RPH3AL: variants seen among roughly 807,000 people sequenced by gnomAD.
RPH3AL encodes rab effector Noc2.
A neutral mutation model predicts 43.1 loss-of-function variants in RPH3AL; 38 were observed. The ratio of observed to expected loss-of-function variants is 0.88; its 90% CI spans 0.68 to 1.15. The LOEUF is 1.15. Among genes scored for constraint, RPH3AL ranks in the 50% most tolerant of loss-of-function variants. The pLI is 0.00. For missense variants in RPH3AL, 462 were observed against 423.2 expected (o/e 1.09, Z -0.81); for synonymous variants, 189 against 176.3 (o/e 1.07, Z -0.57).
At chr17:310,943 G>A (rs772200773) in intron 5 of RPH3AL, among the ~76,000 whole-genome samples, 2 of 152,188 alleles carry the variant, frequency 1.3e-5, no homozygotes, top group South Asian at 2.1e-4. Context: ...GTGCCTCTGC[G>A]ATCATCTCCC....
intron 6 of RPH3AL, among the ~76,000 whole-genome samples, chr17:260,409 T>G (rs548608637): frequency 3.9e-5 from 6 of 152,310 alleles, no homozygotes; most frequent in Non-Finnish European, 8.8e-5. Context: ...CTGAGCCATC[T>G]CTGGATTCCC....
At chr17:338,268 C>G (rs995279102) in intron 1 of RPH3AL, among the ~76,000 whole-genome samples, 1 of 152,048 alleles carries the variant, frequency 6.6e-6, no homozygotes, top group Non-Finnish European at 1.5e-5. Flanking sequence ...TCGAGACCAG[C>G]CTGGGCAACA....
At position 257,829 on chromosome 17, in the gene RPH3AL, T is replaced by C. The variant is rs12937866; in HGVS notation, c.439-10544A>G. Among the ~76,000 whole-genome samples the C allele has an allele frequency of 6.2e-4, 11 of 17,636 alleles. 1 individual carries two copies. Among genetic ancestry groups the C allele is most frequent in the African/African-American group, 2.0e-3 (6 of 3,008 alleles). 11.6% of individuals were successfully genotyped at this position (17,636 alleles called of 152,430 possible). A position where few individuals can be genotyped will look rare whatever the true frequency, so the allele number is the denominator to read the frequency against. On this transcript the variant is annotated intron_variant, in intron 6 of 9. Transcript: ENST00000331302. ...GTCTGTCCTGTTCTGTCCCTAGGAA[T>C]GTGACTACCCTACGTACTTCCTATG...
At chr17:214,769 CA>C (rs112783318) in intron 9 of RPH3AL, 9,007 of 129,268 alleles carry the variant, frequency 0.07, 466 homozygotes, top group African/African-American at 0.17. Context: ...GATCCTGTCT[CA>C]AAAAAAAAAA....
chr17:352,174 G>A (rs944224003), intron 1 of RPH3AL, among the ~76,000 whole-genome samples: 2 of 152,188 alleles, frequency 1.3e-5, no homozygotes, highest in African/African-American at 4.8e-5. Context: ...TCCCAGGGTA[G>A]GGAGCACAGA....
In RPH3AL at chr17:283,342, T is replaced by G. The variant is rs12949092; in HGVS notation, c.352-1488A>C. 6.6e-6 allele frequency among the ~76,000 whole-genome samples: 1 copy of G among 151,958 alleles called. No individual in the cohort carries two copies. The highest frequency in any genetic ancestry group is 1.5e-5 in the Non-Finnish European group (1 of 67,980). Reference sequence around the variant, plus strand: ...ATCGGGTGGCCGAGCTCAGTGCCCCTGGGGTGGGGGAGCAAACTCACGGGG... The same window carrying G: ...ATCGGGTGGCCGAGCTCAGTGCCCCGGGGGTGGGGGAGCAAACTCACGGGG... On this transcript the variant is annotated intron_variant, in intron 5 of 9. Transcript: ENST00000331302. This position sits in a 1 kb window ranked among gnomAD's most constrained non-coding sequence, Gnocchi z 4.2.
rs79875387 is a variant in RPH3AL, at chr17:280,983, C to T, written c.438+785G>A. On this transcript the variant is annotated intron_variant, in intron 6 of 9. Coordinates refer to ENST00000331302, the MANE Select transcript of RPH3AL (RefSeq NM_006987.4). ...CTGGAAGACCAGCTGCACGCCTCCT[C>T]GCCCCTCACATTCTGTCCCAGCCCT... Among the ~76,000 whole-genome samples the T allele has an allele frequency of 1.7e-3, 266 of 152,286 alleles. 1 individual carries two copies. The highest frequency in any genetic ancestry group is 5.9e-3 in the African/African-American group (246 of 41,564).
intron 6 of RPH3AL, among the ~76,000 whole-genome samples, chr17:268,214 TTCC>T (rs980001072): frequency 3.3e-5 from 5 of 152,070 alleles, no homozygotes; most frequent in African/African-American, 9.7e-5. Context: ...ACCCCTCCTC[TTCC>T]TCCTCCTCAT....
At chr17:241,897 T>C (rs1208208129) in intron 7 of RPH3AL, among the ~76,000 whole-genome samples, 1 of 152,054 alleles carries the variant, frequency 6.6e-6, no homozygotes, top group Non-Finnish European at 1.5e-5. Flanking sequence ...AGGTGAATTG[T>C]TTGAGGCCAA....
chr17:246,977 G>C lies in RPH3AL; in HGVS notation c.613+134C>G. The C allele has an allele frequency of 1.1e-6, 1 of 930,128 alleles. No individual in the cohort carries two copies. The highest frequency in any genetic ancestry group is 1.7e-6 in the Non-Finnish European group (1 of 586,430). 57.6% of individuals were successfully genotyped at this position (930,128 alleles called of 1,614,324 possible). A position where few individuals can be genotyped will look rare whatever the true frequency, so the allele number is the denominator to read the frequency against. On this transcript the variant is annotated intron_variant, in intron 7 of 9. Coordinates refer to ENST00000331302, the MANE Select transcript of RPH3AL (RefSeq NM_006987.4). The surrounding 1 kb of genome is among the most constrained non-coding windows in gnomAD (Gnocchi z 4.8). Reference sequence around the variant, plus strand: ...GAGAAGGTGTGGAGCTGAGGGCACAGGGAGGGACGCATCACCAGAATGAGC... The same window carrying C: ...GAGAAGGTGTGGAGCTGAGGGCACACGGAGGGACGCATCACCAGAATGAGC...
chr17:269,547 G>A (rs933251738), intron 6 of RPH3AL, among the ~76,000 whole-genome samples: 6 of 152,182 alleles, frequency 3.9e-5, no homozygotes, highest in Non-Finnish European at 8.8e-5. Flanking sequence ...TGTTCTGGAG[G>A]AAGACGCATC....
intron 6 of RPH3AL, among the ~76,000 whole-genome samples, chr17:268,934 A>T (rs1311803157): frequency 6.6e-6 from 1 of 151,564 alleles, no homozygotes; most frequent in Non-Finnish European, 1.5e-5. Flanking sequence ...GCTGGAGTGC[A>T]GTGCCGCGAT....
chr17:317,096 T>C (rs539829789), intron 5 of RPH3AL, among the ~76,000 whole-genome samples: 2 of 149,772 alleles, frequency 1.3e-5, no homozygotes, highest in Admixed American at 1.3e-4. Flanking sequence ...CCACCTCCAG[T>C]GACCTGTAGT....
rs1029575964 is a variant in RPH3AL at position 215,080 on chromosome 17, C to A, written c.876+574G>T. 6.6e-6 allele frequency among the ~76,000 whole-genome samples: 1 copy of A among 152,186 alleles called. No homozygotes were observed. The highest frequency in any genetic ancestry group is 2.4e-5 in the African/African-American group (1 of 41,458). ...AGATCAGCTGCTGCCCTGGTGCATG[C>A]GTGTACCCATGAATCCTCTGGCCAG... On this transcript the variant is annotated intron_variant, in intron 9 of 9. Coordinates refer to ENST00000331302, the MANE Select transcript of RPH3AL (RefSeq NM_006987.4). The surrounding 1 kb of genome is among the most constrained non-coding windows in gnomAD (Gnocchi z 4.1).
At chr17:330,333 A>G (rs1034688649) in intron 2 of RPH3AL, among the ~76,000 whole-genome samples, 12 of 152,222 alleles carry the variant, frequency 7.9e-5, no homozygotes, top group African/African-American at 2.9e-4. Context: ...TGGAAATCCC[A>G]TGGCCGGGCC....
chr17:289,039 T>G lies in RPH3AL; in HGVS notation c.352-7185A>C, dbSNP rs2042986368. ...ACCCCCAAGAACACAGGGGAGGGGGTTCCCCAGGGACCTGCCCACGGGACA... is the reference window on the plus strand; with the variant it reads ...ACCCCCAAGAACACAGGGGAGGGGGGTCCCCAGGGACCTGCCCACGGGACA... On this transcript the variant is annotated intron_variant, in intron 5 of 9. Coordinates refer to ENST00000331302, the MANE Select transcript of RPH3AL (RefSeq NM_006987.4). The surrounding 1 kb of genome is among the most constrained non-coding windows in gnomAD (Gnocchi z 5.2). 6.6e-6 allele frequency among the ~76,000 whole-genome samples: 1 copy of G among 151,554 alleles called. No homozygotes were observed. Among genetic ancestry groups the G allele is most frequent in the East Asian group, 1.9e-4 (1 of 5,146 alleles).
At chr17:282,393 G>T (rs916700026) in intron 5 of RPH3AL, among the ~76,000 whole-genome samples, 2 of 152,206 alleles carry the variant, frequency 1.3e-5, no homozygotes, top group Non-Finnish European at 2.9e-5. Context: ...TGAGGAACCC[G>T]GGGCTTGGCA....
At chr17:235,284 A>G (rs1352664881) in intron 7 of RPH3AL, among the ~76,000 whole-genome samples, 1 of 150,262 alleles carries the variant, frequency 6.7e-6, no homozygotes, top group Non-Finnish European at 1.5e-5. Flanking sequence ...GAGGCTCTAC[A>G]CTAACAAGAC....
intron 5 of RPH3AL, among the ~76,000 whole-genome samples, chr17:313,124 C>A (rs960615082): frequency 2.6e-5 from 4 of 152,182 alleles, no homozygotes; most frequent in Non-Finnish European, 1.5e-5. Flanking sequence ...CCCTCCTTCA[C>A]CCCCTCTAAT....
Sources: gnomAD v4.1 joint callset for allele counts (sites outside exome capture counted in the v4.1 genomes callset) on GRCh38, gnomAD v4.1.1 for gene constraint, Gnocchi (gnomAD v3.1) non-coding constraint, MANE v1.5 for transcripts, NCBI Gene and HGNC (gene_info 2026-07-23, HGNC 2026-07-21) for gene names.